Variants in VAV3 observed in about 807,000 individuals in gnomAD.
VAV3 encodes vav guanine nucleotide exchange factor 3, also known as guanine nucleotide exchange factor VAV3.
In VAV3, 94 loss-of-function variants were observed where a neutral mutation model predicts 131.2. That is an observed-to-expected ratio of 0.72 (90% CI 0.61 to 0.85). VAV3 has a LOEUF of 0.85. Ranked by LOEUF, VAV3 falls within the 40% of genes least tolerant of loss-of-function variation. The pLI, the probability that VAV3 is intolerant of heterozygous loss-of-function variation, is 0.00. For synonymous variants in VAV3, 349 were observed against 342.0 expected (o/e 1.02, Z -0.22); for missense variants, 939 against 1,002.7 (o/e 0.94, Z 0.86).
At chr1:107,874,805 A>C in intron 2 of VAV3, 96 bp downstream of exon 2, 1 of 1,105,096 alleles carries the variant, frequency 9.0e-7, no homozygotes, top group South Asian at 1.4e-5. Flanking sequence ...GCAGATACAT[A>C]AACCACTTAA....
intron 15 of VAV3, among the ~76,000 whole-genome samples, chr1:107,728,106 G>A (rs1661962727): frequency 6.6e-6 from 1 of 152,128 alleles, no homozygotes; most frequent in African/African-American, 2.4e-5. Flanking sequence ...CAAACAGATG[G>A]TGGAAAAACA....
At chr1:107,843,729 T>C (rs1668834613) in intron 2 of VAV3, among the ~76,000 whole-genome samples, 1 of 152,022 alleles carries the variant, frequency 6.6e-6, no homozygotes, top group South Asian at 2.1e-4. Flanking sequence ...CCCATGGGGT[T>C]ATTCCAGACT....
At chr1:107,683,159 G>C (rs901774442) in intron 19 of VAV3, among the ~76,000 whole-genome samples, 1 of 152,166 alleles carries the variant, frequency 6.6e-6, no homozygotes, top group African/African-American at 2.4e-5. Flanking sequence ...TTAAGTGGCA[G>C]CTAGCTGGCT....
intron 15 of VAV3, among the ~76,000 whole-genome samples, chr1:107,707,682 G>C (rs529690417): frequency 6.6e-5 from 10 of 152,192 alleles, no homozygotes; most frequent in Non-Finnish European, 1.2e-4. Flanking sequence ...TGAAGTGTAA[G>C]AGGGTAACTC....
chr1:107,869,070 G>C (rs1217423471), intron 2 of VAV3, among the ~76,000 whole-genome samples: 1 of 151,900 alleles, frequency 6.6e-6, no homozygotes, highest in African/African-American at 2.4e-5. Flanking sequence ...TTCTGTATCA[G>C]GAAGAGAGAA....
intron 1 of VAV3, among the ~76,000 whole-genome samples, chr1:107,960,465 C>CA (rs61022558): frequency 0.03 from 4,210 of 140,652 alleles, 80 homozygotes; most frequent in East Asian, 0.11. Flanking sequence ...GACTCCGTCT[C>CA]AAAAAAAAAA....
At chr1:107,747,100 G>C (rs1181122940) in intron 15 of VAV3, among the ~76,000 whole-genome samples, 1 of 151,970 alleles carries the variant, frequency 6.6e-6, no homozygotes, top group Non-Finnish European at 1.5e-5. Flanking sequence ...GGCTGATCTC[G>C]AACTCCTGAC....
chr1:107,757,458 G>C (rs1664174933), intron 10 of VAV3, 129 bp from the exon 11 acceptor site: 2 of 789,976 alleles, frequency 2.5e-6, no homozygotes, highest in African/African-American at 1.8e-5. Context: ...TAATATGTCT[G>C]GGCTCCATTT....
intron 15 of VAV3, among the ~76,000 whole-genome samples, chr1:107,719,602 C>G (rs1661356731): frequency 6.6e-6 from 1 of 152,204 alleles, no homozygotes; most frequent in Admixed American, 6.5e-5. Flanking sequence ...CACTTTTACA[C>G]TGTTGGTGGA....
At position 107,573,365 on chromosome 1, in the gene VAV3, C is replaced by T. The variant is rs1425932974; in HGVS notation, c.2510G>A (p.Trp837Ter). The T allele has an allele frequency of 6.2e-7, 1 of 1,613,940 alleles. No homozygotes were observed. Among genetic ancestry groups the T allele is most frequent in the Admixed American group, 1.7e-5 (1 of 59,982 alleles). ...WRGEVNGRVG[W>*]FPSTYVEEDE ...CTCTTCCACATATGTGGATGGAAACCAGCCCACCTAAAAAAGAAAAGCAAC... is the reference window on the plus strand; with the variant it reads ...CTCTTCCACATATGTGGATGGAAACTAGCCCACCTAAAAAAGAAAAGCAAC... The change falls in exon 27 of 27, where the codon TGG becomes TAG. Residue 837 changes from tryptophan (W) to a stop codon, truncating the protein, a stop_gained. Transcript: ENST00000370056. LOFTEE classifies it high-confidence loss of function.
At chr1:107,853,091 T>C (rs1262369388) in intron 2 of VAV3, among the ~76,000 whole-genome samples, 4 of 152,216 alleles carry the variant, frequency 2.6e-5, no homozygotes, top group Non-Finnish European at 5.9e-5. Context: ...TATGCAAGTA[T>C]GTGCACATGG....
At chr1:107,960,760 T>C (rs189375) in intron 1 of VAV3, among the ~76,000 whole-genome samples, 83 of 152,100 alleles carry the variant, frequency 5.5e-4, no homozygotes, top group African/African-American at 1.9e-3. Context: ...TTTCCAAACA[T>C]TGACATTCCT....
At chr1:107,948,119 A>C (rs1314262048) in intron 1 of VAV3, among the ~76,000 whole-genome samples, 1 of 152,134 alleles carries the variant, frequency 6.6e-6, no homozygotes, top group African/African-American at 2.4e-5. Flanking sequence ...TGATTTTATA[A>C]TTTTCATTAA....
chr1:107,964,621 G>T (rs761999080), intron 1 of VAV3, 45 bp downstream of exon 1: 1 of 1,588,302 alleles, frequency 6.3e-7, no homozygotes, highest in South Asian at 1.1e-5. Context: ...CATGATTAAT[G>T]GGAGCTGCCG....
At chr1:107,658,184 T>C (rs189221572) in intron 19 of VAV3, among the ~76,000 whole-genome samples, 194 of 152,188 alleles carry the variant, frequency 1.3e-3, no homozygotes, top group African/African-American at 4.6e-3. Context: ...GGCCTATGAG[T>C]GAGAACATGC....
At chr1:107,914,180 G>A (rs1672505624) in intron 1 of VAV3, among the ~76,000 whole-genome samples, 1 of 152,184 alleles carries the variant, frequency 6.6e-6, no homozygotes, top group African/African-American at 2.4e-5. Flanking sequence ...GAATGTAAAT[G>A]GCTAATGAGT....
At chr1:107,819,260 T>A (rs926669947) in intron 2 of VAV3, among the ~76,000 whole-genome samples, 1 of 152,100 alleles carries the variant, frequency 6.6e-6, no homozygotes, top group Admixed American at 6.5e-5. Flanking sequence ...TAAATACATA[T>A]ATATTCAGCT....
At chr1:107,806,159 C>T (rs1225416020) in intron 2 of VAV3, among the ~76,000 whole-genome samples, 1 of 152,146 alleles carries the variant, frequency 6.6e-6, no homozygotes, top group Non-Finnish European at 1.5e-5. Context: ...GGCCCTTGTG[C>T]TGCTTCCTAT....
intron 22 of VAV3, among the ~76,000 whole-genome samples, chr1:107,604,880 T>G (rs935525740): frequency 1.1e-4 from 17 of 152,218 alleles, no homozygotes; most frequent in African/African-American, 3.9e-4. Flanking sequence ...ACTGTACCTA[T>G]TTTTTATTTC....
Sources: gnomAD v4.1 joint callset for allele counts (sites outside exome capture counted in the v4.1 genomes callset) on GRCh38, gnomAD v4.1.1 for gene constraint, MANE v1.5 for transcripts, NCBI Gene and HGNC (gene_info 2026-07-23, HGNC 2026-07-21) for gene names.